Variants in PIWIL1 observed in about 807,000 individuals in gnomAD.
PIWIL1 encodes piwi like RNA-mediated gene silencing 1.
In PIWIL1, 73 loss-of-function variants were observed where a neutral mutation model predicts 114.4. The ratio of observed to expected loss-of-function variants is 0.64; its 90% CI spans 0.53 to 0.78. PIWIL1 has a LOEUF of 0.78. Ranked by LOEUF, PIWIL1 falls within the 30% of genes least tolerant of loss-of-function variation. PIWIL1 has a pLI of 0.00. For synonymous variants in PIWIL1, 375 were observed against 369.0 expected (o/e 1.02, Z -0.19); for missense variants, 723 against 1,063.1 (o/e 0.68, Z 4.45).
chr12:130,393,673 C>T, the PIWIL1 span, among the ~76,000 whole-genome samples: 1 of 151,190 alleles, frequency 6.6e-6, no homozygotes, highest in African/African-American at 2.4e-5. Context: ...GTGAATTTAC[C>T]ACTTTTCACT....
At chr12:130,399,862 C>A in the PIWIL1 span, 1 of 1,602,808 alleles carries the variant, frequency 6.2e-7, no homozygotes. Flanking sequence ...TTCTAGAAAC[C>A]CACATCTTGC....
chr12:130,423,015 A>G, the PIWIL1 span, among the ~76,000 whole-genome samples: 1 of 152,202 alleles, frequency 6.6e-6, no homozygotes, highest in Non-Finnish European at 1.5e-5. Context: ...TGAGGTTTCA[A>G]AAAACTGAAA....
chr12:130,340,238 C>T (rs1328433293), intron 1 of PIWIL1, among the ~76,000 whole-genome samples: 2 of 151,924 alleles, frequency 1.3e-5, no homozygotes, highest in Middle Eastern at 3.2e-3. Flanking sequence ...GGGTGAGTCA[C>T]GGAATTGATA....
the PIWIL1 span, chr12:130,407,813 A>G: frequency 6.2e-7 from 1 of 1,614,012 alleles, no homozygotes. Flanking sequence ...GACGCCTGCC[A>G]CTTCTCCTGC....
chr12:130,385,303 A>C, the PIWIL1 span, among the ~76,000 whole-genome samples: 1 of 152,216 alleles, frequency 6.6e-6, no homozygotes, highest in Non-Finnish European at 1.5e-5. Context: ...TTGTCTTTTA[A>C]AGTACTTTCT....
At chr12:130,394,660 T>C in the PIWIL1 span, among the ~76,000 whole-genome samples, 540 of 47,050 alleles carry the variant, frequency 0.011, 4 homozygotes, top group African/African-American at 0.043. Flanking sequence ...TTGGGGATTT[T>C]TGCATTTTTT....
At chr12:130,397,356 A>G in the PIWIL1 span, 1 of 399,056 alleles carries the variant, frequency 2.5e-6, no homozygotes, top group Non-Finnish European at 4.4e-6. Context: ...CCGGAAGCAC[A>G]TGAATCATTT....
chr12:130,400,733 C>T, the PIWIL1 span, among the ~76,000 whole-genome samples: 14 of 152,154 alleles, frequency 9.2e-5, no homozygotes, highest in African/African-American at 3.4e-4. Context: ...CATCTATCTG[C>T]TAAGGGGTTA....
At chr12:130,353,122 T>G (rs776953395) in intron 9 of PIWIL1, among the ~76,000 whole-genome samples, 14 of 152,230 alleles carry the variant, frequency 9.2e-5, no homozygotes, top group Non-Finnish European at 1.3e-4. Flanking sequence ...AAGGACATGC[T>G]GTGATGATGT....
chr12:130,410,057 C>T, the PIWIL1 span, among the ~76,000 whole-genome samples: 2 of 152,266 alleles, frequency 1.3e-5, no homozygotes, highest in Non-Finnish European at 2.9e-5. Flanking sequence ...ACACCTGCGA[C>T]GGCCAGCCGT....
the PIWIL1 span, chr12:130,407,859 C>T: frequency 6.3e-7 from 1 of 1,585,236 alleles, no homozygotes; most frequent in African/African-American, 1.3e-5. Context: ...GAAAGAAATC[C>T]ATCATGAGGT....
At chr12:130,371,103 CT>C in intron 19 of PIWIL1, 72 bp from the exon 20 acceptor site, 2 of 1,277,752 alleles carry the variant, frequency 1.6e-6, no homozygotes, top group Non-Finnish European at 2.3e-6. Flanking sequence ...TGGTACAGAG[CT>C]TTTCACTGTA....
the PIWIL1 span, among the ~76,000 whole-genome samples, chr12:130,389,629 T>TA: frequency 3.9e-5 from 6 of 152,194 alleles, no homozygotes; most frequent in Non-Finnish European, 7.4e-5. Context: ...CTTTTTAATT[T>TA]AAAAGTATTA....
At chr12:130,409,332 C>CTTTTTTTT in the PIWIL1 span, among the ~76,000 whole-genome samples, 4 of 65,402 alleles carry the variant, frequency 6.1e-5, no homozygotes, top group East Asian at 5.1e-4. Flanking sequence ...CAAAATGTAG[C>CTTTTTTTT]TTTTTTTTTT....
the PIWIL1 span, chr12:130,424,398 A>G: frequency 8.1e-7 from 1 of 1,232,718 alleles, no homozygotes. This position sits in a 1 kb window ranked among gnomAD's most constrained non-coding sequence, Gnocchi z 9.8. Context: ...CCGCCGGGCC[A>G]GCAGCGGCCT....
chr12:130,424,104 T>C, the PIWIL1 span: 1 of 1,114,752 alleles, frequency 9.0e-7, no homozygotes, highest in East Asian at 3.2e-5. The surrounding 1 kb of genome is among the most constrained non-coding windows in gnomAD (Gnocchi z 9.8). Context: ...CAGATTGGTT[T>C]GGCAAGCGGC....
the PIWIL1 span, among the ~76,000 whole-genome samples, chr12:130,385,191 G>A: frequency 1.3e-5 from 2 of 152,156 alleles, no homozygotes; most frequent in Non-Finnish European, 2.9e-5. Flanking sequence ...ATATATTTCT[G>A]CCCACTTTAC....
At chr12:130,407,811 C>T in the PIWIL1 span, 1 of 1,613,942 alleles carries the variant, frequency 6.2e-7, no homozygotes, top group South Asian at 1.1e-5. Context: ...ATGACGCCTG[C>T]CACTTCTCCT....
the PIWIL1 span, chr12:130,396,522 GTGTGGCTTATGCATTA>G: frequency 6.6e-6 from 1 of 152,630 alleles, no homozygotes; most frequent in East Asian, 1.9e-4. Flanking sequence ...TCTGGTTTTG[GTGTGGCTTATGCATTA>G]TGTGGATTAC....
Sources: allele counts gnomAD v4.1 joint callset (sites outside exome capture counted in the v4.1 genomes callset), GRCh38; gene constraint gnomAD v4.1.1; non-coding constraint Gnocchi (gnomAD v3.1); transcripts MANE v1.5; gene names NCBI Gene and HGNC (gene_info 2026-07-23, HGNC 2026-07-21).